The following SLC6A12 variants were observed in gnomAD, a reference collection of about 807,000 sequenced individuals.
SLC6A12 encodes sodium- and chloride-dependent betaine transporter.
In SLC6A12, 50 loss-of-function variants were observed where a neutral mutation model predicts 73.3. The ratio of observed to expected loss-of-function variants is 0.68; its 90% CI spans 0.54 to 0.86. SLC6A12 has a LOEUF of 0.86. Among genes scored for constraint, SLC6A12 ranks in the 40% least tolerant of loss-of-function variants. SLC6A12 has a pLI of 0.00. For missense variants in SLC6A12, 648 were observed against 772.8 expected, an observed-to-expected ratio of 0.84 and a Z score of 1.92; for synonymous variants, 304 against 309.2, an observed-to-expected ratio of 0.98 and a Z score of 0.18.
chr12:207,563 T>A (rs907598742), intron 3 of SLC6A12, among the ~76,000 whole-genome samples: 1 of 152,250 alleles, frequency 6.6e-6, no homozygotes, highest in Non-Finnish European at 1.5e-5. Flanking sequence ...TAAATTTCCC[T>A]GCATATATTA....
At chr12:187,543 G>C (rs537076531), downstream of SLC6A12, among the ~76,000 whole-genome samples, 2 of 129,924 alleles carry the variant, frequency 1.5e-5, no homozygotes, top group African/African-American at 5.8e-5. Context: ...CATAAAGGCA[G>C]AGTAGACCCA....
In SLC6A12 at chr12:197,483, G is replaced by A; in HGVS notation, c.969C>T (p.Cys323=). The A allele has an allele frequency of 6.2e-7, 1 of 1,613,712 alleles. No individual in the cohort carries two copies. Among genetic ancestry groups the A allele is most frequent in the Non-Finnish European group, 8.5e-7 (1 of 1,179,816 alleles). ...NNCYKDCIAL[C]FLNSATSFVA... ...CAAAGCTGGTGGCACTGTTCAGGAA[G>A]CAGAGGGCGATGCAGTCCCTGTGGG... The change falls in exon 10 of 16, where the codon TGC becomes TGT. Residue 323 remains cysteine, a synonymous_variant. Transcript: ENST00000684302.
At chr12:186,505 GTGCCTC>G (rs1272911485), downstream of SLC6A12, among the ~76,000 whole-genome samples, 2 of 152,240 alleles carry the variant, frequency 1.3e-5, no homozygotes, top group African/African-American at 4.8e-5. Flanking sequence ...TTCTGGCTCA[GTGCCTC>G]TGTAAGGCTG....
chr12:199,041 A>G (rs1382760378), intron 7 of SLC6A12, 110 bp from the exon 8 acceptor site: 1 of 1,097,012 alleles, frequency 9.1e-7, no homozygotes, highest in Non-Finnish European at 1.3e-6. Flanking sequence ...AACCTCAGAG[A>G]CAGCCTAGAG....
At chr12:188,557 G>A (rs1387705418), downstream of SLC6A12, among the ~76,000 whole-genome samples, 5 of 152,224 alleles carry the variant, frequency 3.3e-5, no homozygotes, top group East Asian at 1.9e-4. Context: ...CTCCTCAAGC[G>A]CAGCCAGAGT....
downstream of SLC6A12, among the ~76,000 whole-genome samples, chr12:187,589 C>CAACA (rs1939453773): frequency 1.9e-5 from 2 of 106,054 alleles, no homozygotes; most frequent in African/African-American, 1.1e-4. Context: ...TGCAAAAGAG[C>CAACA]AAAAAAAAAA....
At chr12:185,055 G>A in the SLC6A12 span, among the ~76,000 whole-genome samples, 1 of 147,218 alleles carries the variant, frequency 6.8e-6, no homozygotes, top group African/African-American at 2.4e-5. Flanking sequence ...AGGAAGATAA[G>A]AGAAAGAATC....
intron 3 of SLC6A12, 86 bp from the exon 4 acceptor site, chr12:204,784 C>G: frequency 6.9e-7 from 1 of 1,447,420 alleles, no homozygotes; most frequent in Non-Finnish European, 9.5e-7. Context: ...CCCAACAAAC[C>G]CGCCCTCCAC....
intron 7 of SLC6A12, among the ~76,000 whole-genome samples, chr12:200,327 C>G (rs930674750): frequency 1.3e-5 from 2 of 151,874 alleles, no homozygotes; most frequent in Non-Finnish European, 2.9e-5. Flanking sequence ...CCAGGATGGT[C>G]TCGATCTCCT....
At chr12:187,209 CGA>C (rs1939446554), downstream of SLC6A12, among the ~76,000 whole-genome samples, 1 of 152,070 alleles carries the variant, frequency 6.6e-6, no homozygotes, top group South Asian at 2.1e-4. Flanking sequence ...CCAAAGGAAA[CGA>C]GATGAAAGTG....
chr12:192,224 C>G (rs534913274), intron 15 of SLC6A12, among the ~76,000 whole-genome samples: 1 of 152,296 alleles, frequency 6.6e-6, no homozygotes, highest in Admixed American at 6.5e-5. Flanking sequence ...GCAGTTTGCC[C>G]TCCGTTAGCC....
chr12:187,632 CA>C (rs766643317), downstream of SLC6A12, among the ~76,000 whole-genome samples: 1 of 96,380 alleles, frequency 1.0e-5, no homozygotes, highest in African/African-American at 4.4e-5. Flanking sequence ...AAAAAAAAAA[CA>C]AACCACACAC....
chr12:200,546 G>T, intron 7 of SLC6A12, 105 bp downstream of exon 7: 1 of 1,268,440 alleles, frequency 7.9e-7, no homozygotes, highest in Non-Finnish European at 1.1e-6. Flanking sequence ...CTCAGGAAGT[G>T]TAGTTTCTTA....
chr12:185,519 A>G (rs1039488585), downstream of SLC6A12, among the ~76,000 whole-genome samples: 2 of 152,226 alleles, frequency 1.3e-5, no homozygotes, highest in African/African-American at 4.8e-5. Context: ...GTGCTTGGGC[A>G]GAAAAAGCCT....
In SLC6A12 at chr12:197,480, G is replaced by C. The variant is rs1939981330; in HGVS notation, c.972C>G (p.Phe324Leu). 1.2e-6 allele frequency: 2 copies of C among 1,613,734 alleles called. No homozygotes were observed. Residue 324 changes from phenylalanine to leucine, a missense_variant, in exon 10 of 16, where the codon TTC becomes TTG. Physicochemically the swap from Phe to Leu is conservative, Grantham distance 22 (BLOSUM62 0). Coordinates refer to ENST00000684302, the MANE Select transcript of SLC6A12 (RefSeq NM_001122848.3). ...NCYKDCIALC[F>L]LNSATSFVAG... Reference sequence around the variant, plus strand: ...CCACAAAGCTGGTGGCACTGTTCAGGAAGCAGAGGGCGATGCAGTCCCTGT... The same window carrying C: ...CCACAAAGCTGGTGGCACTGTTCAGCAAGCAGAGGGCGATGCAGTCCCTGT...
chr12:189,421 AGGGCACAG>A, downstream of SLC6A12, among the ~76,000 whole-genome samples: 1 of 152,264 alleles, frequency 6.6e-6, no homozygotes, highest in East Asian at 1.9e-4. Flanking sequence ...CCAAGGAGCG[AGGGCACAG>A]GTGCACAGAG....
rs1471308400 is a variant in SLC6A12 at position 196,243 on chromosome 12, G to T, written c.1207C>A (p.Leu403Met). 2 of 1,607,626 alleles carry T rather than the reference G, an allele frequency of 1.2e-6. No individual in the cohort carries two copies. The highest frequency in any genetic ancestry group is 2.2e-5 in the South Asian group (2 of 88,996). The change falls in exon 12 of 16, where the codon CTG becomes ATG. Residue 403 changes from leucine to methionine, a missense_variant. Leu to Met is a conservative substitution (Grantham distance 15). Transcript: ENST00000684302. Reference sequence around the variant, plus strand: ...AACATGTCTATGGAGGCTGTCACCAGGCACTCCACACAGACAAACTGTGGG... The same window carrying T: ...AACATGTCTATGGAGGCTGTCACCATGCACTCCACACAGACAAACTGTGGG... ...LDSQFVCVEC[L>M]VTASIDMFPR...
Position 197,885 on chromosome 12 carries a change from C to G in SLC6A12, c.950+15G>C, listed in dbSNP as rs1565469882. 6.4e-7 allele frequency: 1 copy of G among 1,565,106 alleles called. No individual in the cohort carries two copies. Among genetic ancestry groups the G allele is most frequent in the Non-Finnish European group, 8.8e-7 (1 of 1,136,216 alleles). On this transcript the variant is annotated intron_variant, in intron 9 of 15. Transcript: ENST00000684302. ...CAACCCTCCTTCACCCCACCCCGGC[C>G]CACGCTGTTCTCACTTGTAGCAGTT...
At chr12:195,536 CTG>C (rs1287050064) in intron 12 of SLC6A12, among the ~76,000 whole-genome samples, 2 of 152,234 alleles carry the variant, frequency 1.3e-5, no homozygotes, top group Non-Finnish European at 2.9e-5. Context: ...CACTGGGAGA[CTG>C]TGGTGGACAC....
Sources: gnomAD v4.1 joint callset for allele counts (sites outside exome capture counted in the v4.1 genomes callset) on GRCh38, gnomAD v4.1.1 for gene constraint, MANE v1.5 for transcripts, NCBI Gene and HGNC (gene_info 2026-07-23, HGNC 2026-07-21) for gene names.